Variants in PLCB1 observed in about 807,000 individuals in gnomAD.
PLCB1 encodes 1-phosphatidylinositol 4,5-bisphosphate phosphodiesterase beta-1.
Under a neutral mutation model 161.8 loss-of-function variants are expected in PLCB1, and 46 were observed. The observed-to-expected ratio is 0.28, with a 90% CI of 0.22 to 0.36. The LOEUF is 0.36. Among genes scored for constraint, PLCB1 ranks in the 10% least tolerant of loss-of-function variants. The probability of loss-of-function intolerance (pLI) is 1.00; values close to 1 mark genes in which losing one functional copy is unlikely to be tolerated. For missense variants in PLCB1, 1,016 were observed against 1,472.5 expected (o/e 0.69, Z 5.07); for synonymous variants, 517 against 503.7 (o/e 1.03, Z -0.35).
intron 8 of PLCB1, among the ~76,000 whole-genome samples, 154 bp downstream of exon 8, chr20:8,657,438 A>T (rs1989492771): frequency 6.6e-6 from 1 of 152,126 alleles, no homozygotes; most frequent in African/African-American, 2.4e-5. Context: ...AGGATCACAC[A>T]ATCTTGCCCC....
At chr20:8,235,017 C>T (rs1250621262) in intron 2 of PLCB1, among the ~76,000 whole-genome samples, 1 of 152,070 alleles carries the variant, frequency 6.6e-6, no homozygotes, top group African/African-American at 2.4e-5. Flanking sequence ...ATGATTTTTA[C>T]ATGTTATGTC....
At chr20:8,558,118 G>C (rs944438714) in intron 3 of PLCB1, among the ~76,000 whole-genome samples, 3 of 151,702 alleles carry the variant, frequency 2.0e-5, no homozygotes, top group African/African-American at 7.3e-5. Context: ...ACAAGAGGGT[G>C]ATTATAGTCA....
At chr20:8,667,427 C>T (rs1160655295) in intron 9 of PLCB1, among the ~76,000 whole-genome samples, 2 of 152,166 alleles carry the variant, frequency 1.3e-5, no homozygotes, top group Admixed American at 6.5e-5. Flanking sequence ...TTTTCAAGAT[C>T]GTCATTGTGG....
intron 31 of PLCB1, among the ~76,000 whole-genome samples, chr20:8,798,384 T>TTG (rs1172943431): frequency 5.3e-4 from 81 of 152,042 alleles, no homozygotes; most frequent in Admixed American, 4.1e-3. Context: ...CAGTAAAAGA[T>TTG]TGTGTGTGTG....
chr20:8,673,437 T>C (rs980947031), intron 9 of PLCB1, among the ~76,000 whole-genome samples: 1 of 152,176 alleles, frequency 6.6e-6, no homozygotes, highest in Admixed American at 6.5e-5. Flanking sequence ...TAGCACTTCT[T>C]CTAGGCAGAG....
At chr20:8,814,996 A>G (rs1444271072) in intron 31 of PLCB1, among the ~76,000 whole-genome samples, 2 of 152,146 alleles carry the variant, frequency 1.3e-5, no homozygotes, top group Non-Finnish European at 2.9e-5. Flanking sequence ...CTGCACAGCA[A>G]TCCACACTAA....
At chr20:8,691,182 A>T (rs1011116360) in intron 10 of PLCB1, among the ~76,000 whole-genome samples, 1 of 152,186 alleles carries the variant, frequency 6.6e-6, no homozygotes, top group Non-Finnish European at 1.5e-5. Flanking sequence ...TGTTTCTCAG[A>T]AGCCTTTGGA....
At chr20:8,580,183 C>T (rs1986789885) in intron 3 of PLCB1, among the ~76,000 whole-genome samples, 1 of 152,136 alleles carries the variant, frequency 6.6e-6, no homozygotes, top group East Asian at 1.9e-4. Context: ...CCAGTGTCAG[C>T]GAACTCCAAA....
At chr20:8,545,960 A>G (rs1985524097) in intron 3 of PLCB1, among the ~76,000 whole-genome samples, 1 of 152,190 alleles carries the variant, frequency 6.6e-6, no homozygotes, top group African/African-American at 2.4e-5. Flanking sequence ...GAGAAGAAAC[A>G]TAAATATTGT....
intron 2 of PLCB1, among the ~76,000 whole-genome samples, chr20:8,207,460 T>C (rs1978594619): frequency 6.6e-6 from 1 of 152,166 alleles, no homozygotes; most frequent in Non-Finnish European, 1.5e-5. Context: ...AGTACAGTGC[T>C]GGACCCAGGT....
chr20:8,140,521 G>A (rs1168938045), intron 1 of PLCB1, among the ~76,000 whole-genome samples: 1 of 152,118 alleles, frequency 6.6e-6, no homozygotes, highest in African/African-American at 2.4e-5. Flanking sequence ...CCTAATAGCA[G>A]GCATTCATGC....
chr20:8,193,506 T>C (rs1175486989), intron 2 of PLCB1, among the ~76,000 whole-genome samples: 1 of 151,910 alleles, frequency 6.6e-6, no homozygotes, highest in African/African-American at 2.4e-5. Flanking sequence ...AATAATCACA[T>C]TTGCATATAT....
At chr20:8,525,571 T>C (rs971841502) in intron 3 of PLCB1, among the ~76,000 whole-genome samples, 83 of 152,302 alleles carry the variant, frequency 5.4e-4, no homozygotes, top group African/African-American at 1.9e-3. Flanking sequence ...CACAGAGAGA[T>C]CTTAAAAAGG....
chr20:8,311,910 G>A (rs1025914662), intron 2 of PLCB1, among the ~76,000 whole-genome samples: 2 of 152,100 alleles, frequency 1.3e-5, no homozygotes, highest in Non-Finnish European at 2.9e-5. Context: ...CTTGCATAAT[G>A]TCTACACAGG....
chr20:8,787,676 T>C (rs975086598), intron 27 of PLCB1, among the ~76,000 whole-genome samples: 5 of 152,240 alleles, frequency 3.3e-5, no homozygotes, highest in African/African-American at 1.2e-4. Context: ...TTTATGTAAT[T>C]GGCAAACACT....
At chr20:8,561,660 G>A (rs1454026344) in intron 3 of PLCB1, among the ~76,000 whole-genome samples, 2 of 151,792 alleles carry the variant, frequency 1.3e-5, no homozygotes, top group African/African-American at 2.4e-5. Flanking sequence ...ATTTGTGTTT[G>A]GTAAATTTGC....
chr20:8,330,730 G>C (rs1311946289), intron 2 of PLCB1, among the ~76,000 whole-genome samples: 1 of 152,228 alleles, frequency 6.6e-6, no homozygotes. Flanking sequence ...ACATGTAACA[G>C]ATTCTGAAGA....
chr20:8,603,916 C>T (rs1387202736), intron 3 of PLCB1, among the ~76,000 whole-genome samples: 1 of 152,062 alleles, frequency 6.6e-6, no homozygotes, highest in Non-Finnish European at 1.5e-5. Context: ...GGTTGCACAA[C>T]CTTGTGAATG....
intron 2 of PLCB1, among the ~76,000 whole-genome samples, chr20:8,153,431 G>A (rs1270889527): frequency 6.6e-6 from 1 of 152,096 alleles, no homozygotes; most frequent in Non-Finnish European, 1.5e-5. Flanking sequence ...TGAGAAGGGA[G>A]TCCTGCACAG....
Sources: gnomAD v4.1 joint callset for allele counts (sites outside exome capture counted in the v4.1 genomes callset) on GRCh38, gnomAD v4.1.1 for gene constraint, MANE v1.5 for transcripts, NCBI Gene and HGNC (gene_info 2026-07-23, HGNC 2026-07-21) for gene names.